The following PTPRT variants were observed in gnomAD, a reference collection of about 807,000 sequenced individuals.
PTPRT encodes receptor-type tyrosine-protein phosphatase T.
PTPRT carries 56 observed loss-of-function variants against 176.8 expected under a neutral mutation model. The ratio of observed to expected loss-of-function variants is 0.32; its 90% CI spans 0.26 to 0.40. The LOEUF (loss-of-function observed/expected upper bound fraction) is 0.40, where lower values mean the gene tolerates loss of function less well. Ranked by LOEUF, PTPRT falls within the 10% of genes least tolerant of loss-of-function variation. PTPRT has a pLI of 1.00. For synonymous variants in PTPRT, 783 were observed against 739.0 expected (o/e 1.06, Z -0.96); for missense variants, 1,540 against 1,908.2 (o/e 0.81, Z 3.60).
Position 42,176,453 on chromosome 20 carries a change from G to C in PTPRT, c.2492-14911C>G, listed in dbSNP as rs16986625. On this transcript the variant is annotated intron_variant, in intron 16 of 30. Transcript: ENST00000373187. The stretch of plus-strand genomic sequence containing the variant: ...CAGAGTGAAAATGTTCAGCTTCACT[G>C]TGGCTCCAGGGGACTGGACATGATT... 7.4e-3 allele frequency among the ~76,000 whole-genome samples: 1,123 copies of C among 152,284 alleles called. 7 individuals carry two copies. The highest frequency in any genetic ancestry group is 9.8e-3 in the Admixed American group (150 of 15,284).
chr20:43,053,653 T>C (rs768939216), intron 1 of PTPRT, among the ~76,000 whole-genome samples: 32 of 152,194 alleles, frequency 2.1e-4, no homozygotes, highest in Admixed American at 3.3e-4. Flanking sequence ...TACCTAGAAA[T>C]ACTGCTCTGT....
intron 1 of PTPRT, among the ~76,000 whole-genome samples, chr20:43,126,763 G>A (rs933048082): frequency 8.5e-5 from 13 of 152,294 alleles, no homozygotes; most frequent in African/African-American, 2.9e-4. Flanking sequence ...CTCCTCAGGA[G>A]ACGAGGCCAC....
intron 1 of PTPRT, among the ~76,000 whole-genome samples, chr20:43,033,851 G>A (rs1329575742): frequency 6.6e-6 from 1 of 152,162 alleles, no homozygotes; most frequent in African/African-American, 2.4e-5. Context: ...CATGCAGCAA[G>A]TGGTGGAGCT....
At chr20:42,374,485 T>C (rs2058627662) in intron 9 of PTPRT, among the ~76,000 whole-genome samples, 1 of 151,888 alleles carries the variant, frequency 6.6e-6, no homozygotes, top group Non-Finnish European at 1.5e-5. Context: ...AAACTTACAA[T>C]CAAATAATAT....
chr20:43,018,462 T>G (rs1479264399), intron 1 of PTPRT, among the ~76,000 whole-genome samples: 3 of 152,196 alleles, frequency 2.0e-5, no homozygotes, highest in Non-Finnish European at 4.4e-5. Flanking sequence ...AAAGACTATT[T>G]TGAGGGTGAC....
At chr20:42,258,292 G>T (rs1477334303) in intron 13 of PTPRT, among the ~76,000 whole-genome samples, 1 of 152,106 alleles carries the variant, frequency 6.6e-6, no homozygotes, top group African/African-American at 2.4e-5. Flanking sequence ...AGGGATTGAT[G>T]AACATGTCAT....
chr20:42,839,307 GTT>G (rs879401385), intron 2 of PTPRT, among the ~76,000 whole-genome samples: 6 of 136,480 alleles, frequency 4.4e-5, no homozygotes, highest in East Asian at 2.2e-4. Context: ...TGTTCACTCT[GTT>G]TTTTTTTTTT....
chr20:43,055,420 T>C (rs1467169825), intron 1 of PTPRT, among the ~76,000 whole-genome samples: 2 of 152,208 alleles, frequency 1.3e-5, no homozygotes, highest in Non-Finnish European at 2.9e-5. Context: ...CCTTTCACCC[T>C]GGTTATAAAC....
intron 1 of PTPRT, among the ~76,000 whole-genome samples, chr20:42,959,757 T>C (rs1161173864): frequency 6.6e-6 from 1 of 152,190 alleles, no homozygotes; most frequent in African/African-American, 2.4e-5. Flanking sequence ...TCAGAACCCA[T>C]GCACAAGCCA....
intron 15 of PTPRT, among the ~76,000 whole-genome samples, chr20:42,233,213 C>T (rs1298829663): frequency 6.6e-6 from 1 of 152,174 alleles, no homozygotes; most frequent in Admixed American, 6.5e-5. Context: ...TTCCAAACAT[C>T]CACGTCCTAC....
chr20:42,098,930 C>T (rs566405652), intron 26 of PTPRT, among the ~76,000 whole-genome samples: 13 of 152,372 alleles, frequency 8.5e-5, no homozygotes, highest in African/African-American at 2.9e-4. Context: ...CCTGTGGCCA[C>T]GATGCTGGGC....
intron 7 of PTPRT, among the ~76,000 whole-genome samples, chr20:42,488,408 CAAT>C (rs1208679153): frequency 6.6e-6 from 1 of 152,124 alleles, no homozygotes; most frequent in Non-Finnish European, 1.5e-5. Context: ...TGGTATTATC[CAAT>C]TTTTCTACCT....
At chr20:43,107,241 G>A (rs2012657072) in intron 1 of PTPRT, among the ~76,000 whole-genome samples, 1 of 152,206 alleles carries the variant, frequency 6.6e-6, no homozygotes, top group African/African-American at 2.4e-5. Flanking sequence ...AATAGTCTCG[G>A]ATTGATATGC....
At chr20:43,169,703 A>T (rs1245087982) in intron 1 of PTPRT, among the ~76,000 whole-genome samples, 1 of 151,898 alleles carries the variant, frequency 6.6e-6, no homozygotes, top group African/African-American at 2.4e-5. Context: ...CCGTAAACCA[A>T]TATCCCTCCT....
intron 9 of PTPRT, among the ~76,000 whole-genome samples, chr20:42,436,827 G>A (rs1480885281): frequency 6.6e-6 from 1 of 152,174 alleles, no homozygotes; most frequent in Non-Finnish European, 1.5e-5. Context: ...TTCGTGCAGT[G>A]GAGTAGTAGA....
intron 9 of PTPRT, among the ~76,000 whole-genome samples, chr20:42,424,768 T>A (rs749563023): frequency 2.0e-5 from 3 of 150,516 alleles, no homozygotes; most frequent in African/African-American, 7.4e-5. Flanking sequence ...AACACAAATA[T>A]AAAACAGTCC....
At chr20:42,655,946 T>C (rs2075117616) in intron 7 of PTPRT, among the ~76,000 whole-genome samples, 1 of 152,058 alleles carries the variant, frequency 6.6e-6, no homozygotes, top group African/African-American at 2.4e-5. Flanking sequence ...TAGGAAGAGT[T>C]TGTGTAATGA....
At chr20:42,233,605 A>C (rs1406058499) in intron 15 of PTPRT, among the ~76,000 whole-genome samples, 1 of 152,172 alleles carries the variant, frequency 6.6e-6, no homozygotes, top group East Asian at 1.9e-4. Flanking sequence ...TAAGTCTAGC[A>C]ACTGGTTCAT....
intron 2 of PTPRT, among the ~76,000 whole-genome samples, chr20:42,816,666 T>C (rs208221): frequency 0.68 from 102,860 of 151,988 alleles, 34,832 homozygotes; most frequent in East Asian, 0.78. Context: ...TCCCTCATGC[T>C]GCCCTGGTAA....
Sources: allele counts gnomAD v4.1 joint callset (sites outside exome capture counted in the v4.1 genomes callset), GRCh38; gene constraint gnomAD v4.1.1; transcripts MANE v1.5; gene names NCBI Gene and HGNC (gene_info 2026-07-23, HGNC 2026-07-21).